The following AARS1 variants were observed in gnomAD, a reference collection of about 807,000 sequenced individuals.
AARS1 encodes the protein alanine--tRNA ligase, cytoplasmic.
A neutral mutation model predicts 108.9 loss-of-function variants in AARS1; 72 were observed. The ratio of observed to expected loss-of-function variants is 0.66; its 90% CI spans 0.55 to 0.80. AARS1 has a LOEUF of 0.80. Among genes scored for constraint, AARS1 ranks in the 30% least tolerant of loss-of-function variants. AARS1 has a pLI of 0.00. For missense variants in AARS1, 1,193 were observed against 1,233.2 expected (o/e 0.97, Z 0.49); for synonymous variants, 489 against 465.7 (o/e 1.05, Z -0.64).
chr16:70,273,952 G>C (rs550418027), intron 4 of AARS1, among the ~76,000 whole-genome samples: 2 of 150,776 alleles, frequency 1.3e-5, no homozygotes, highest in African/African-American at 4.9e-5. Flanking sequence ...TGGGACGATC[G>C]CCTGAGCTCA....
At position 70,254,008 on chromosome 16, in the gene AARS1, G is replaced by C; in HGVS notation, c.2431C>G (p.Gln811Glu). Residue 811 changes from glutamine to glutamate, a missense_variant, in exon 18 of 21, where the codon CAG (glutamine) becomes GAG (glutamate). Physicochemically the swap from Gln to Glu is conservative, Grantham distance 29. Coordinates refer to ENST00000261772, the MANE Select transcript of AARS1 (RefSeq NM_001605.3). Reference protein sequence around the residue: ...ALATAVIPQWQKDELRETLKS... With the variant: ...ALATAVIPQWEKDELRETLKS... ...AGAGTCTCCCGCAATTCATCCTTCT[G>C]CCACTGGGGGATGACTGCAGTGGCC... 6.2e-7 allele frequency: 1 copy of C among 1,614,130 alleles called. No individual in the cohort carries two copies. The highest frequency in any genetic ancestry group is 8.5e-7 in the Non-Finnish European group (1 of 1,180,036).
intron 9 of AARS1, among the ~76,000 whole-genome samples, chr16:70,267,357 A>T (rs572518694): frequency 6.6e-6 from 1 of 152,326 alleles, no homozygotes; most frequent in South Asian, 2.1e-4. Flanking sequence ...GCAAACAGAG[A>T]AGAATCCTGA....
chr16:70,289,295 C>T (rs538803157), intron 1 of AARS1, 126 bp downstream of exon 1: 2 of 346,124 alleles, frequency 5.8e-6, no homozygotes, highest in Non-Finnish European at 1.1e-5. Context: ...CGCTCCAGCC[C>T]AGACTGGGCT....
At chr16:70,275,215 G>A (rs1481222239) in intron 4 of AARS1, among the ~76,000 whole-genome samples, 9 of 152,110 alleles carry the variant, frequency 5.9e-5, no homozygotes, top group African/African-American at 1.2e-4. Flanking sequence ...AGCCAAGATC[G>A]CACCAGTGCA....
At chr16:70,268,167 C>G (rs1960310956) in intron 8 of AARS1, 104 bp downstream of exon 8, 3 of 1,124,630 alleles carry the variant, frequency 2.7e-6, no homozygotes, top group Non-Finnish European at 4.0e-6. Flanking sequence ...GACTCCGTCT[C>G]AAAAAACAGC....
At chr16:70,263,300 G>C (rs377067884) in intron 11 of AARS1, among the ~76,000 whole-genome samples, 1 of 152,094 alleles carries the variant, frequency 6.6e-6, no homozygotes, top group South Asian at 2.1e-4. Context: ...AGCCGGGCAC[G>C]GTGGCTCACA....
chr16:70,262,250 G>T, intron 12 of AARS1, 96 bp downstream of exon 12: 2 of 1,454,458 alleles, frequency 1.4e-6, no homozygotes, highest in Non-Finnish European at 1.9e-6. Context: ...GGTGTGTCAG[G>T]TCTGCTCCCA....
At chr16:70,276,774 C>T (rs1960562208) in intron 3 of AARS1, 143 bp from the exon 4 acceptor site, 1 of 1,194,964 alleles carries the variant, frequency 8.4e-7, no homozygotes, top group Non-Finnish European at 1.2e-6. Flanking sequence ...TGTAAGAAAT[C>T]CAAATATATA....
chr16:70,264,143 G>A (rs1372008324), intron 11 of AARS1, among the ~76,000 whole-genome samples: 4 of 151,360 alleles, frequency 2.6e-5, no homozygotes, highest in Non-Finnish European at 4.4e-5. Flanking sequence ...CTACTTGGGA[G>A]GCTGAGGCCG....
intron 1 of AARS1, among the ~76,000 whole-genome samples, chr16:70,286,305 A>C (rs1048295257): frequency 3.3e-5 from 5 of 151,664 alleles, no homozygotes; most frequent in African/African-American, 1.2e-4. Context: ...TACTAACAGG[A>C]GCTGTAAAGG....
chr16:70,275,548 G>C (rs1013596145), intron 4 of AARS1, among the ~76,000 whole-genome samples: 1 of 151,830 alleles, frequency 6.6e-6, no homozygotes, highest in Non-Finnish European at 1.5e-5. Flanking sequence ...GGATCACGAG[G>C]TCAGGAGATC....
intron 9 of AARS1, among the ~76,000 whole-genome samples, chr16:70,266,832 ATTTCTT>A (rs900571657): frequency 8.8e-5 from 13 of 147,262 alleles, no homozygotes; most frequent in East Asian, 4.1e-4. Flanking sequence ...TTACACATCT[ATTTCTT>A]TTTCTTTTTC....
At chr16:70,260,802 A>G (rs542294534) in intron 13 of AARS1, among the ~76,000 whole-genome samples, 7 of 152,134 alleles carry the variant, frequency 4.6e-5, no homozygotes, top group African/African-American at 1.7e-4. Context: ...AGCTGGGACT[A>G]TAGGCGCCTG....
At position 70,283,495 on chromosome 16, in the gene AARS1, G is replaced by A. The variant is rs538820417; in HGVS notation, c.-21-711C>T. ...AAGAGGGAGAGAGGCTCAGGAGACC[G>A]GGGTTTGAGTTCTAGCTTCAAGTCC... On this transcript the variant is annotated intron_variant, in intron 1 of 20. Coordinates refer to ENST00000261772, the MANE Select transcript of AARS1 (RefSeq NM_001605.3). Among the ~76,000 whole-genome samples, 13 of 152,172 alleles carry A rather than the reference G, an allele frequency of 8.5e-5. No homozygotes were observed. The East Asian group carries it at 9.6e-4, about 11-fold the overall frequency.
At chr16:70,287,581 A>T (rs1960881580) in intron 1 of AARS1, among the ~76,000 whole-genome samples, 1 of 147,830 alleles carries the variant, frequency 6.8e-6, no homozygotes, top group African/African-American at 2.5e-5. Context: ...TGGGAGGTCA[A>T]TTTTTTTTTT....
intron 20 of AARS1, 145 bp downstream of exon 20, chr16:70,253,123 A>C: frequency 1.1e-6 from 1 of 881,650 alleles, no homozygotes; most frequent in South Asian, 1.4e-5. Context: ...TGTCTTCACC[A>C]ATAAGAAGGC....
chr16:70,267,575 C>G, intron 9 of AARS1, 84 bp downstream of exon 9: 1 of 1,539,412 alleles, frequency 6.5e-7, no homozygotes, highest in Non-Finnish European at 9.0e-7. Flanking sequence ...ACATGAGAGC[C>G]CACAGTCAGT....
intron 2 of AARS1, among the ~76,000 whole-genome samples, chr16:70,277,390 C>A (rs1219195659): frequency 6.6e-6 from 1 of 152,148 alleles, no homozygotes; most frequent in Non-Finnish European, 1.5e-5. Flanking sequence ...ACGAGTGACA[C>A]CACCTGCAGA....
intron 16 of AARS1, 52 bp downstream of exon 16, chr16:70,255,676 G>T: frequency 6.6e-7 from 1 of 1,507,054 alleles, no homozygotes; most frequent in Non-Finnish European, 9.2e-7. Context: ...TTCGCAGACT[G>T]GGCTCCTCTT....
Sources: allele counts gnomAD v4.1 joint callset (sites outside exome capture counted in the v4.1 genomes callset), GRCh38; gene constraint gnomAD v4.1.1; transcripts MANE v1.5; gene names NCBI Gene and HGNC (gene_info 2026-07-23, HGNC 2026-07-21).